Variants in ANKDD1B observed in about 807,000 individuals in gnomAD.
ANKDD1B encodes ankyrin repeat and death domain-containing protein 1B.
ANKDD1B carries 57 observed loss-of-function variants against 59.7 expected under a neutral mutation model. The observed-to-expected ratio is 0.95, with a 90% CI of 0.77 to 1.19. The LOEUF (loss-of-function observed/expected upper bound fraction) is 1.19, where lower values mean the gene tolerates loss of function less well. ANKDD1B is among the 50% of genes most tolerant of loss of function. ANKDD1B has a pLI of 0.00. For missense variants in ANKDD1B, 602 were observed against 641.9 expected, an observed-to-expected ratio of 0.94 and a Z score of 0.67; for synonymous variants, 216 against 239.5, an observed-to-expected ratio of 0.90 and a Z score of 0.91.
At position 75,625,883 on chromosome 5, in the gene ANKDD1B, G is replaced by A. The variant is rs1421675095; in HGVS notation, c.528G>A (p.Gln176=). The A allele has an allele frequency of 6.5e-7, 1 of 1,536,206 alleles. No individual in the cohort carries two copies. The highest frequency in any genetic ancestry group is 8.7e-7 in the Non-Finnish European group (1 of 1,146,940). ...TGAGCGCCCTCCACTTTGCCACTCAGAGCAATCATGTGCGCATCGTGGAGT... is the reference window on the plus strand; with the variant it reads ...TGAGCGCCCTCCACTTTGCCACTCAAAGCAATCATGTGCGCATCGTGGAGT... ...DGMSALHFAT[Q]SNHVRIVEYL... Residue 176 remains glutamine, a synonymous_variant, in exon 5 of 14, where the codon CAG becomes CAA. Coordinates refer to ENST00000601380, the MANE Select transcript of ANKDD1B (RefSeq NM_001276713.2).
At chr5:75,630,958 A>T (rs1168902275) in intron 5 of ANKDD1B, among the ~76,000 whole-genome samples, 1 of 152,214 alleles carries the variant, frequency 6.6e-6, no homozygotes, top group Non-Finnish European at 1.5e-5. Context: ...TTTATATATA[A>T]ATCTCAGGAA....
At chr5:75,626,991 G>T (rs982887107) in intron 5 of ANKDD1B, among the ~76,000 whole-genome samples, 1 of 152,068 alleles carries the variant, frequency 6.6e-6, no homozygotes, top group Non-Finnish European at 1.5e-5. Context: ...TTTGACATTT[G>T]TTTTCTGACC....
chr5:75,635,052 A>C, intron 6 of ANKDD1B, 56 bp downstream of exon 6: 1 of 1,140,072 alleles, frequency 8.8e-7, no homozygotes, highest in South Asian at 1.3e-5. Flanking sequence ...GTAACAATTG[A>C]TGTAGAGGGG....
chr5:75,660,610 GGT>G (rs1197733577), intron 10 of ANKDD1B, among the ~76,000 whole-genome samples: 1 of 152,188 alleles, frequency 6.6e-6, no homozygotes, highest in East Asian at 1.9e-4. Context: ...GCCTCCGGAG[GGT>G]TGTCAGAGAG....
At position 75,620,361 on chromosome 5, in the gene ANKDD1B, C is replaced by A; in HGVS notation, c.344C>A (p.Ser115Tyr). The change falls in exon 3 of 14, where the codon TCT becomes TAT. Residue 115 changes from serine to tyrosine, a missense_variant. Around this residue, in one of 3 missense-constraint regions of ANKDD1B, gnomAD observed 317 missense variants for 304.6 expected, o/e 1.04. Coordinates refer to ENST00000601380, the MANE Select transcript of ANKDD1B (RefSeq NM_001276713.2). Reference sequence around the variant, plus strand: ...TTTGCAGTGGGGAGAAATCATTTATCTGCAGTGGATTTCTTGCTTAAACAC... The same window carrying A: ...TTTGCAGTGGGGAGAAATCATTTATATGCAGTGGATTTCTTGCTTAAACAC... ...LHFAVGRNHL[S>Y]AVDFLLKHKA... 6.5e-7 allele frequency: 1 copy of A among 1,535,394 alleles called. No individual in the cohort carries two copies. Among genetic ancestry groups the A allele is most frequent in the South Asian group, 1.2e-5 (1 of 84,038 alleles).
At chr5:75,650,377 G>A (rs1197005355) in intron 7 of ANKDD1B, among the ~76,000 whole-genome samples, 2 of 152,194 alleles carry the variant, frequency 1.3e-5, no homozygotes, top group East Asian at 1.9e-4. Context: ...GCAAGGGGGT[G>A]TGAGCCAAAG....
intron 5 of ANKDD1B, among the ~76,000 whole-genome samples, chr5:75,628,902 TACTC>T (rs1283904768): frequency 9.9e-5 from 15 of 152,266 alleles, no homozygotes; most frequent in South Asian, 2.1e-4. Flanking sequence ...CAAAAATAAA[TACTC>T]AGACTAACAT....
intron 9 of ANKDD1B, 144 bp from the exon 10 acceptor site, chr5:75,659,139 T>C (rs1393796709): frequency 8.2e-6 from 5 of 611,500 alleles, no homozygotes; most frequent in South Asian, 2.0e-5. Context: ...TTTTTCACTA[T>C]TGCAAATAAT....
chr5:75,655,692 A>G (rs1051617620), intron 8 of ANKDD1B, among the ~76,000 whole-genome samples: 1 of 152,214 alleles, frequency 6.6e-6, no homozygotes, highest in Non-Finnish European at 1.5e-5. Context: ...GACTTAAAAA[A>G]ATTAATATTT....
chr5:75,661,345 C>T (rs551441045), intron 10 of ANKDD1B, among the ~76,000 whole-genome samples: 55 of 140,904 alleles, frequency 3.9e-4, no homozygotes, highest in African/African-American at 1.4e-3. Flanking sequence ...TGCAGTGAGC[C>T]GAGACCGTGC....
chr5:75,655,025 G>A (rs190744447), intron 8 of ANKDD1B, among the ~76,000 whole-genome samples: 82 of 152,000 alleles, frequency 5.4e-4, no homozygotes, highest in African/African-American at 1.8e-3. Context: ...ACTTCCCTTC[G>A]TTGTTTCTTC....
Position 75,666,870 on chromosome 5 carries a change from C to T in ANKDD1B, c.1270C>T (p.His424Tyr). ...FKQDHSLETR[H>Y]IRTLLWDLAY... ...GCAAGATCACAGTCTGGAGACCAGA[C>T]ACATTCGCACGCTTCTCTGGGACCT... Residue 424 changes from histidine (H) to tyrosine (Y), a missense_variant, in exon 12 of 14, where the codon CAC (histidine) becomes TAC (tyrosine). Around this residue, in one of 3 missense-constraint regions of ANKDD1B, gnomAD observed 280 missense variants for 319.8 expected, o/e 0.88. Coordinates refer to ENST00000601380, the MANE Select transcript of ANKDD1B (RefSeq NM_001276713.2). 1 of 1,535,608 alleles carries T rather than the reference C, an allele frequency of 6.5e-7. No homozygotes were observed. The highest frequency in any genetic ancestry group is 1.4e-5 in the African/African-American group (1 of 73,120).
intron 7 of ANKDD1B, among the ~76,000 whole-genome samples, chr5:75,648,811 G>C (rs1364566127): frequency 6.6e-6 from 1 of 152,152 alleles, no homozygotes; most frequent in African/African-American, 2.4e-5. Context: ...TTGGACTTTG[G>C]TTTGCTTTCA....
At chr5:75,653,622 CTT>C (rs1386675528) in intron 8 of ANKDD1B, among the ~76,000 whole-genome samples, 1 of 152,132 alleles carries the variant, frequency 6.6e-6, no homozygotes, top group Admixed American at 6.5e-5. Flanking sequence ...ACTGAATGTT[CTT>C]GTTTTTCTTT....
intron 8 of ANKDD1B, 31 bp from the exon 9 acceptor site, chr5:75,655,998 C>T: frequency 9.6e-7 from 1 of 1,046,958 alleles, no homozygotes; most frequent in Middle Eastern, 2.0e-4. Flanking sequence ...CCAGAACCTT[C>T]TGGATTTGAA....
Position 75,616,828 on chromosome 5 carries a change from A to G in ANKDD1B, c.218A>G (p.Gln73Arg). 6.5e-7 allele frequency: 1 copy of G among 1,528,608 alleles called. No individual in the cohort carries two copies. The highest frequency in any genetic ancestry group is 1.2e-5 in the South Asian group (1 of 83,628). The allele number at this position is 1,528,608 out of a possible 1,614,324, so 94.7% of individuals were successfully genotyped here. ...GTACTCCCAAATGAGAGAAGCTTTC[A>G]GAATGCTGCTAAAAGCAATAATTTG... Reference protein sequence around the residue: ...ELLLPNERSFQNAAKSNNLDL... With the variant: ...ELLLPNERSFRNAAKSNNLDL... The change falls in exon 2 of 14, where the codon CAG becomes CGG. Residue 73 changes from glutamine (Q) to arginine (R), a missense_variant. Around this residue, in one of 3 missense-constraint regions of ANKDD1B, gnomAD observed 317 missense variants for 304.6 expected, o/e 1.04. Transcript: ENST00000601380.
At chr5:75,670,285 A>C (rs1775439440) in intron 13 of ANKDD1B, among the ~76,000 whole-genome samples, 2 of 152,248 alleles carry the variant, frequency 1.3e-5, no homozygotes, top group Admixed American at 1.3e-4. Flanking sequence ...TTTGGAAACA[A>C]AAGATATCAT....
chr5:75,624,161 A>G lies in ANKDD1B; in HGVS notation c.397-1486A>G, dbSNP rs141249104. ...TACTGAGGAAATGGATTACTTTTTC[A>G]TGGAGCTAAAGGAAACAGAAAAACA... On this transcript the variant is annotated intron_variant, in intron 3 of 13. Transcript: ENST00000601380. Among the ~76,000 whole-genome samples the G allele has an allele frequency of 1.7e-3, 257 of 152,318 alleles. 1 individual carries two copies. The highest frequency in any genetic ancestry group is 5.3e-3 in the African/African-American group (220 of 41,576).
chr5:75,637,641 C>T (rs1774353421), intron 7 of ANKDD1B, among the ~76,000 whole-genome samples: 1 of 152,002 alleles, frequency 6.6e-6, no homozygotes, highest in Admixed American at 6.6e-5. Context: ...TTTTATGCTG[C>T]CTATTTGAAG....
Sources: gnomAD v4.1 joint callset for allele counts (sites outside exome capture counted in the v4.1 genomes callset) on GRCh38, gnomAD v4.1.1 for gene constraint, gnomAD v4.1.1 regional missense constraint, MANE v1.5 for transcripts, NCBI Gene and HGNC (gene_info 2026-07-23, HGNC 2026-07-21) for gene names.